LPA: variants seen among roughly 807,000 people sequenced by gnomAD.
LPA encodes apolipoprotein(a).
In LPA, 199 loss-of-function variants were observed where a neutral mutation model predicts 197.9. The observed-to-expected ratio is 1.01, with a 90% CI of 0.90 to 1.13. The LOEUF is 1.13. Among genes scored for constraint, LPA ranks in the 50% most tolerant of loss-of-function variants. The pLI, the probability that LPA is intolerant of heterozygous loss-of-function variation, is 0.00. For missense variants in LPA, 1,853 were observed against 1,785.8 expected (o/e 1.04, Z -0.68); for synonymous variants, 715 against 639.5 (o/e 1.12, Z -1.78).
chr6:160,603,122 A>AATC (rs554970569), intron 18 of LPA, among the ~76,000 whole-genome samples: 28 of 151,676 alleles, frequency 1.8e-4, no homozygotes, highest in African/African-American at 6.3e-4. Flanking sequence ...TTCCTGTAGC[A>AATC]ATCTCTCCTT....
intron 18 of LPA, 137 bp downstream of exon 18, chr6:160,604,909 A>G: frequency 3.6e-6 from 5 of 1,375,812 alleles, no homozygotes; most frequent in Non-Finnish European, 5.1e-6. Context: ...GCTCAAAGAC[A>G]ATGTTCCTGA....
chr6:160,660,032 A>G (rs548966528), intron 1 of LPA, among the ~76,000 whole-genome samples: 40 of 151,886 alleles, frequency 2.6e-4, no homozygotes, highest in Middle Eastern at 6.8e-3. Flanking sequence ...TAAAGACAAT[A>G]TTGCAAATCA....
intron 26 of LPA, among the ~76,000 whole-genome samples, chr6:160,581,370 G>T (rs1295153284): frequency 6.6e-6 from 1 of 152,086 alleles, no homozygotes; most frequent in Admixed American, 6.6e-5. Context: ...CACAATCATG[G>T]CTCATTTCAG....
At chr6:160,574,589 T>C (rs1033422675) in intron 28 of LPA, among the ~76,000 whole-genome samples, 1 of 152,180 alleles carries the variant, frequency 6.6e-6, no homozygotes, top group Non-Finnish European at 1.5e-5. Context: ...CTGCTTCCTC[T>C]ACCCCTATAT....
chr6:160,591,361 A>C (rs1304615628), intron 22 of LPA, among the ~76,000 whole-genome samples: 2 of 152,232 alleles, frequency 1.3e-5, no homozygotes, highest in East Asian at 1.9e-4. Context: ...AATGTGTACA[A>C]GAAAGGATCA....
At chr6:160,559,389 T>A (rs1388285072) in intron 28 of LPA, among the ~76,000 whole-genome samples, 2 of 152,238 alleles carry the variant, frequency 1.3e-5, no homozygotes, top group Non-Finnish European at 2.9e-5. Flanking sequence ...ACCAGTAGGT[T>A]GCAAATTATT....
At chr6:160,562,290 T>C (rs545668159) in intron 28 of LPA, among the ~76,000 whole-genome samples, 20 of 152,230 alleles carry the variant, frequency 1.3e-4, no homozygotes, top group Admixed American at 2.6e-4. Context: ...GGTATTGAAT[T>C]TTATCAAAGG....
intron 17 of LPA, 152 bp from the exon 18 acceptor site, chr6:160,605,357 A>G: frequency 2.0e-6 from 2 of 995,838 alleles, no homozygotes; most frequent in Admixed American, 4.0e-5. Context: ...ATTTGTAGGC[A>G]GATGGACTTG....
At chr6:160,599,766 T>C (rs1479317198) in intron 19 of LPA, 107 bp from the exon 20 acceptor site, 1 of 1,237,466 alleles carries the variant, frequency 8.1e-7, no homozygotes. Context: ...TTTACAACCA[T>C]TCTCTATTCT....
intron 32 of LPA, 93 bp from the exon 33 acceptor site, chr6:160,545,626 A>C (rs1778056870): frequency 3.7e-6 from 3 of 801,544 alleles, no homozygotes; most frequent in Non-Finnish European, 6.7e-6. Context: ...CTATTCTTAG[A>C]AGACAAAAGG....
At chr6:160,592,985 T>C (rs972705197) in intron 22 of LPA, among the ~76,000 whole-genome samples, 3 of 152,332 alleles carry the variant, frequency 2.0e-5, no homozygotes, top group African/African-American at 2.4e-5. Flanking sequence ...TATTGTTCTT[T>C]CTTTGTGAAA....
chr6:160,568,288 C>A (rs1778499631), intron 28 of LPA, among the ~76,000 whole-genome samples: 1 of 152,214 alleles, frequency 6.6e-6, no homozygotes. Context: ...AGCTTATCCA[C>A]CATGATCAAG....
intron 18 of LPA, among the ~76,000 whole-genome samples, chr6:160,604,541 C>T (rs942978259): frequency 1.3e-5 from 2 of 152,130 alleles, no homozygotes; most frequent in African/African-American, 4.8e-5. Context: ...ACCAGTATCC[C>T]TTCAGACCAC....
intron 8 of LPA, among the ~76,000 whole-genome samples, chr6:160,632,022 G>GTGTA (rs1779697534): frequency 1.4e-5 from 2 of 146,646 alleles, no homozygotes; most frequent in African/African-American, 5.2e-5. Flanking sequence ...GTGTGTGTGT[G>GTGTA]TAGCTCATTC....
chr6:160,532,279 A>C (rs556642854), intron 38 of LPA, among the ~76,000 whole-genome samples: 1 of 152,266 alleles, frequency 6.6e-6, no homozygotes, highest in African/African-American at 2.4e-5. Flanking sequence ...CACACCAGGA[A>C]GGTGAGTGGC....
At chr6:160,635,608 G>A (rs1779801867) in intron 6 of LPA, among the ~76,000 whole-genome samples, 1 of 124,896 alleles carries the variant, frequency 8.0e-6, no homozygotes, top group African/African-American at 3.3e-5. Context: ...TTCTCCTTCT[G>A]CCTCCTACCC....
intron 28 of LPA, among the ~76,000 whole-genome samples, chr6:160,572,107 G>A (rs569207175): frequency 6.6e-5 from 10 of 152,266 alleles, no homozygotes; most frequent in African/African-American, 1.7e-4. Flanking sequence ...AGTCCCTCAC[G>A]GCTTCCTTTG....
intron 33 of LPA, among the ~76,000 whole-genome samples, chr6:160,545,065 T>C (rs191802100): frequency 9.3e-4 from 142 of 152,220 alleles, no homozygotes; most frequent in Non-Finnish European, 1.9e-3. Context: ...TTTTTTCTTC[T>C]CAGCTGCAGA....
At chr6:160,539,050 G>A (rs1407310076) in intron 36 of LPA, among the ~76,000 whole-genome samples, 3 of 152,184 alleles carry the variant, frequency 2.0e-5, no homozygotes, top group Non-Finnish European at 4.4e-5. Context: ...GAGTGTCAGA[G>A]GATTCCAGGA....
Sources: gnomAD v4.1 joint callset for allele counts (sites outside exome capture counted in the v4.1 genomes callset) on GRCh38, gnomAD v4.1.1 for gene constraint, MANE v1.5 for transcripts, NCBI Gene and HGNC (gene_info 2026-07-23, HGNC 2026-07-21) for gene names.